The following GPC3 variants were observed in gnomAD, a reference collection of about 807,000 sequenced individuals.
The protein encoded by GPC3 is glypican 3.
Under a neutral mutation model 34.4 loss-of-function variants are expected in GPC3, and 3 were observed. The ratio of observed to expected loss-of-function variants is 0.09; its 90% confidence interval spans 0.04 to 0.23. GPC3 has a LOEUF of 0.23. GPC3 is among the 10% of genes least tolerant of loss of function. The probability of loss-of-function intolerance (pLI) is 1.00; values close to 1 mark genes in which losing one functional copy is unlikely to be tolerated. For synonymous variants in GPC3, 177 were observed against 174.0 expected, an observed-to-expected ratio of 1.02 and a Z score of -0.13; for missense variants, 351 against 445.6, an observed-to-expected ratio of 0.79 and a Z score of 1.91.
chrX:133,731,437 C>A (rs1164331167), intron 3 of GPC3, among the ~76,000 whole-genome samples: 2 of 112,172 alleles, frequency 1.8e-5, no homozygotes, highest in African/African-American at 6.5e-5. Flanking sequence ...AGATTTTTTT[C>A]TTTGATCATA....
intron 6 of GPC3, among the ~76,000 whole-genome samples, chrX:133,621,736 C>G (rs755499058): frequency 1.4e-3 from 161 of 112,503 alleles, no homozygotes; most frequent in African/African-American, 5.0e-3. Flanking sequence ...CAGGGCATAG[C>G]TGAACAAAAG....
At chrX:133,717,251 C>T (rs969976227) in intron 3 of GPC3, among the ~76,000 whole-genome samples, 8 of 110,819 alleles carry the variant, frequency 7.2e-5, no homozygotes, top group Non-Finnish European at 1.1e-4. Context: ...TATGAGCCAC[C>T]GCACCTGGCT....
intron 2 of GPC3, among the ~76,000 whole-genome samples, chrX:133,794,565 G>A (rs2075567688): frequency 9.0e-6 from 1 of 111,633 alleles, no homozygotes; most frequent in African/African-American, 3.3e-5. Context: ...TTCCTTTTTT[G>A]CGGTGCTTCT....
intron 2 of GPC3, among the ~76,000 whole-genome samples, chrX:133,767,843 C>T (rs1393857175): frequency 9.1e-6 from 1 of 110,307 alleles, no homozygotes; most frequent in African/African-American, 3.3e-5. Flanking sequence ...GAATGTTTCA[C>T]CTTCAGCCAA....
intron 2 of GPC3, among the ~76,000 whole-genome samples, chrX:133,896,938 G>A (rs1475600953): frequency 1.5e-4 from 14 of 93,061 alleles, no homozygotes; most frequent in East Asian, 3.3e-4. Context: ...ATGGAGTCTC[G>A]CTCTGTCGCC....
intron 3 of GPC3, among the ~76,000 whole-genome samples, chrX:133,738,908 C>A (rs1331966921): frequency 9.0e-6 from 1 of 111,685 alleles, no homozygotes; most frequent in Non-Finnish European, 1.9e-5. Flanking sequence ...CAAATAGAAG[C>A]AGAGGACTAC....
intron 3 of GPC3, among the ~76,000 whole-genome samples, chrX:133,722,710 T>C (rs1353430973): frequency 8.9e-6 from 1 of 111,936 alleles, no homozygotes; most frequent in Non-Finnish European, 1.9e-5. Context: ...GAAGATATCA[T>C]CTCTGACCAA....
intron 2 of GPC3, among the ~76,000 whole-genome samples, chrX:133,906,802 G>C (rs1217991357): frequency 8.9e-6 from 1 of 112,080 alleles, no homozygotes; most frequent in East Asian, 2.8e-4. Context: ...AAGTTGGCCG[G>C]GCACGGTGGC....
intron 6 of GPC3, 111 bp downstream of exon 6, chrX:133,661,618 CT>C (rs2070723444): frequency 3.3e-5 from 1 of 29,866 alleles, no homozygotes; most frequent in Non-Finnish European, 5.7e-5. Flanking sequence ...CTCTCTCTCT[CT>C]CTCTCTCTCT....
intron 5 of GPC3, among the ~76,000 whole-genome samples, chrX:133,687,684 C>A (rs1415976768): frequency 9.0e-6 from 1 of 111,122 alleles, no homozygotes; most frequent in Non-Finnish European, 1.9e-5. Flanking sequence ...CCTCGGCCTC[C>A]CAGAGTGCTG....
At chrX:133,679,374 G>A (rs1295066433) in intron 5 of GPC3, among the ~76,000 whole-genome samples, 3 of 111,293 alleles carry the variant, frequency 2.7e-5, no homozygotes, top group Non-Finnish European at 5.6e-5. Context: ...TCTCATATGC[G>A]TTTTCTTATT....
At chrX:133,732,026 G>A (rs1007106335) in intron 3 of GPC3, among the ~76,000 whole-genome samples, 21 of 112,104 alleles carry the variant, frequency 1.9e-4, no homozygotes, top group Non-Finnish European at 1.5e-4. Flanking sequence ...TGTGGTGGAC[G>A]TGAGATAGGG....
chrX:133,735,732 G>A (rs1049585920), intron 3 of GPC3, among the ~76,000 whole-genome samples: 2 of 110,663 alleles, frequency 1.8e-5, no homozygotes, highest in Non-Finnish European at 3.8e-5. Flanking sequence ...GGAGGCTGAG[G>A]GGGGTGGATT....
At chrX:133,911,459 G>T (rs767470801) in intron 2 of GPC3, among the ~76,000 whole-genome samples, 1 of 111,385 alleles carries the variant, frequency 9.0e-6, no homozygotes, top group Admixed American at 9.6e-5. Flanking sequence ...TTTTTAAAAG[G>T]TATGTTCTAA....
intron 7 of GPC3, among the ~76,000 whole-genome samples, chrX:133,575,622 C>G (rs1569386523): frequency 9.0e-6 from 1 of 111,666 alleles, no homozygotes; most frequent in African/African-American, 3.3e-5. Flanking sequence ...CTCTCAGTAC[C>G]AAGATTATGC....
At chrX:133,786,288 G>A (rs1171298518) in intron 2 of GPC3, among the ~76,000 whole-genome samples, 2 of 111,729 alleles carry the variant, frequency 1.8e-5, no homozygotes, top group African/African-American at 6.5e-5. Flanking sequence ...CCAGCTACTC[G>A]GGAGGCCGAG....
intron 1 of GPC3, among the ~76,000 whole-genome samples, chrX:133,965,358 G>C (rs948646105): frequency 3.6e-5 from 4 of 110,598 alleles, no homozygotes; most frequent in South Asian, 4.0e-4. Flanking sequence ...GGACTGGAGA[G>C]GTGTCAATCC....
intron 6 of GPC3, among the ~76,000 whole-genome samples, chrX:133,605,175 G>T (rs377308976): frequency 1.3e-4 from 14 of 109,184 alleles, no homozygotes; most frequent in South Asian, 1.2e-3. Context: ...TCACACGTGG[G>T]GGGGGGGCAA....
chrX:133,822,029 C>T (rs150281084), intron 2 of GPC3, among the ~76,000 whole-genome samples: 1 of 111,872 alleles, frequency 8.9e-6, no homozygotes, highest in African/African-American at 3.2e-5. Context: ...TGCAGTTTTG[C>T]TATCTGTGGT....
Sources: gnomAD v4.1 joint callset for allele counts (sites outside exome capture counted in the v4.1 genomes callset) on GRCh38, gnomAD v4.1.1 for gene constraint, MANE v1.5 for transcripts, NCBI Gene and HGNC (gene_info 2026-07-23, HGNC 2026-07-21) for gene names.